The following KIF5A variants were observed in gnomAD, a reference collection of about 807,000 sequenced individuals.
KIF5A encodes the protein kinesin family member 5A.
Under a neutral mutation model 141.3 loss-of-function variants are expected in KIF5A, and 35 were observed. The ratio of observed to expected loss-of-function variants is 0.25; its 90% CI spans 0.19 to 0.33. The LOEUF is 0.33. Among genes scored for constraint, KIF5A ranks in the 10% least tolerant of loss-of-function variants. The pLI, the probability that KIF5A is intolerant of heterozygous loss-of-function variation, is 1.00. For missense variants in KIF5A, 861 were observed against 1,314.3 expected (o/e 0.66, Z 5.33); for synonymous variants, 448 against 500.2 (o/e 0.90, Z 1.39).
In KIF5A at chr12:57,572,101, G is replaced by A. The variant is rs774379377; in HGVS notation, c.1403G>A (p.Arg468Gln). 2.2e-5 allele frequency: 36 copies of A among 1,613,854 alleles called. No individual in the cohort carries two copies. The highest frequency in any genetic ancestry group is 8.8e-5 in the South Asian group (8 of 91,056). ...STRGDNEKVQ[R>Q]ELSHLQSEND... ...CGAGGAGACAACGAGAAGGTCCAGC[G>A]GGAGCTGAGCCACCTGCAATCAGAG... Residue 468 changes from arginine to glutamine, a missense_variant, in exon 14 of 29, where the codon CGG becomes CAG. Arg to Gln is a conservative substitution (Grantham distance 43). Transcript: ENST00000455537. This position sits in a 1 kb window ranked among gnomAD's most constrained non-coding sequence, Gnocchi z 4.2.
In KIF5A at chr12:57,567,600, C is replaced by T. The variant is rs1158102955; in HGVS notation, c.696C>T (p.Asp232=). Residue 232 remains aspartate, a synonymous_variant, in exon 8 of 29, where the codon GAC becomes GAT. Coordinates refer to ENST00000455537, the MANE Select transcript of KIF5A (RefSeq NM_004984.4). ...TCAGTGGGAAGCTGTATCTGGTGGA[C>T]CTGGCAGGGAGTGAGAAGGTAGGGG... ...QKLSGKLYLV[D]LAGSEKVSKT... The T allele has an allele frequency of 6.2e-7, 1 of 1,612,722 alleles. No individual in the cohort carries two copies. The highest frequency in any genetic ancestry group is 8.5e-7 in the Non-Finnish European group (1 of 1,179,638).
At position 57,560,433 on chromosome 12, in the gene KIF5A, A is replaced by T. The variant is rs116714741; in HGVS notation, c.130-3006A>T. Among the ~76,000 whole-genome samples the T allele has an allele frequency of 5.6e-3, 847 of 152,304 alleles. 7 individuals carry two copies. The highest frequency in any genetic ancestry group is 0.019 in the African/African-American group (792 of 41,578). On this transcript the variant is annotated intron_variant, in intron 1 of 28. Transcript: ENST00000455537. ...TATGTAAAATTTAAGGCTTTTGATT[A>T]TGCATTTTTGAATTGTTATATGGAT...
intron 12 of KIF5A, among the ~76,000 whole-genome samples, chr12:57,570,883 T>G (rs1351708213): frequency 6.6e-6 from 1 of 152,040 alleles, no homozygotes; most frequent in East Asian, 1.9e-4. Context: ...CTCAAACTCC[T>G]GGGCTCGAGG....
chr12:57,570,750 A>G (rs1882227658), intron 12 of KIF5A, among the ~76,000 whole-genome samples: 1 of 152,132 alleles, frequency 6.6e-6, no homozygotes, highest in Admixed American at 6.6e-5. Context: ...TTCCTACTTC[A>G]TTAATAATTC....
chr12:57,570,899 C>T (rs1029888025), intron 12 of KIF5A, among the ~76,000 whole-genome samples: 4 of 151,856 alleles, frequency 2.6e-5, no homozygotes, highest in Admixed American at 2.0e-4. Context: ...CGAGGGATCC[C>T]CCCCAACCTC....
intron 1 of KIF5A, among the ~76,000 whole-genome samples, chr12:57,559,992 A>G (rs1594910224): frequency 6.6e-6 from 1 of 152,250 alleles, no homozygotes; most frequent in East Asian, 1.9e-4. Flanking sequence ...CCTGGGTTCA[A>G]GCGATTCTTG....
intron 17 of KIF5A, 61 bp downstream of exon 17, chr12:57,575,818 T>C (rs1643793484): frequency 8.4e-7 from 1 of 1,192,610 alleles, no homozygotes; most frequent in Non-Finnish European, 1.3e-6. Context: ...AACATCAAAA[T>C]AAATCACCCC....
intron 6 of KIF5A, among the ~76,000 whole-genome samples, chr12:57,565,640 T>C (rs1362668876): frequency 6.7e-6 from 1 of 148,822 alleles, no homozygotes; most frequent in Non-Finnish European, 1.5e-5. Context: ...TTTTTTTTTT[T>C]TGGAGACAGA....
intron 1 of KIF5A, among the ~76,000 whole-genome samples, chr12:57,553,246 A>AT (rs1881632924): frequency 1.3e-5 from 2 of 152,140 alleles, no homozygotes; most frequent in Non-Finnish European, 2.9e-5. Flanking sequence ...CAGTGAAGAA[A>AT]CACATACATA....
rs369229819 is a variant in KIF5A at position 57,572,135 on chromosome 12, C to T, written c.1437C>T (p.Ala479=). The T allele has an allele frequency of 2.4e-5, 38 of 1,613,984 alleles. No homozygotes were observed. Among genetic ancestry groups the T allele is most frequent in the South Asian group, 7.7e-5 (7 of 91,048 alleles). ...ELSHLQSEND[A]AKDEVKEVLQ... The stretch of plus-strand genomic sequence containing the variant: ...GCCACCTGCAATCAGAGAACGATGC[C>T]GCTAAGGATGAGGTGAAGGAAGTGC... Residue 479 remains alanine (A), a synonymous_variant, in exon 14 of 29, where the codon GCC becomes GCT. Coordinates refer to ENST00000455537, the MANE Select transcript of KIF5A (RefSeq NM_004984.4). This position sits in a 1 kb window ranked among gnomAD's most constrained non-coding sequence, Gnocchi z 4.2.
intron 28 of KIF5A, 126 bp from the exon 29 acceptor site, chr12:57,584,092 G>A (rs1352799232): frequency 6.6e-6 from 1 of 152,212 alleles, no homozygotes; most frequent in Non-Finnish European, 1.5e-5. Context: ...CGGTGGTAGG[G>A]GGGTCTGCTT....
At chr12:57,557,266 A>T in intron 1 of KIF5A, among the ~76,000 whole-genome samples, 1 of 152,148 alleles carries the variant, frequency 6.6e-6, no homozygotes, top group East Asian at 1.9e-4. Context: ...TAAAAAAAAA[A>T]AGATGAGAGG....
Position 57,550,530 on chromosome 12 carries a change from G to T in KIF5A, c.129+130G>T, listed in dbSNP as rs1478670176. On this transcript the variant is annotated intron_variant, in intron 1 of 28. Transcript: ENST00000455537. This position sits in a 1 kb window ranked among gnomAD's most constrained non-coding sequence, Gnocchi z 4.6. Reference sequence around the variant, plus strand: ...CCGCTCATCCTTCATCCTCTTCCCCGCAGCCCCTCCTCTCCCCTGCATCAG... The same window carrying T: ...CCGCTCATCCTTCATCCTCTTCCCCTCAGCCCCTCCTCTCCCCTGCATCAG... 8.1e-6 allele frequency: 8 copies of T among 988,582 alleles called. No individual in the cohort carries two copies. Among genetic ancestry groups the T allele is most frequent in the South Asian group, 1.5e-5 (1 of 66,398 alleles). 61.2% of individuals were successfully genotyped at this position (988,582 alleles called of 1,614,324 possible).
Position 57,572,775 on chromosome 12 carries a change from G to A in KIF5A, c.1716+49G>A, listed in dbSNP as rs1479458392. 6.2e-7 allele frequency: 1 copy of A among 1,610,156 alleles called. No homozygotes were observed. Among genetic ancestry groups the A allele is most frequent in the Non-Finnish European group, 8.5e-7 (1 of 1,176,584 alleles). ...TTGTTCAGGCTGGGCACTAGTGGAA[G>A]ACGCAAGATGAGCCATCCAGGCCTT... is the stretch of plus-strand genomic sequence containing the variant. On this transcript the variant is annotated intron_variant, in intron 15 of 28. Coordinates refer to ENST00000455537, the MANE Select transcript of KIF5A (RefSeq NM_004984.4). This position sits in a 1 kb window ranked among gnomAD's most constrained non-coding sequence, Gnocchi z 4.2.
rs1337306665 is a variant in KIF5A, at chr12:57,550,493, T to TC, written c.129+98dup. 5 of 1,241,806 alleles carry TC rather than the reference T, an allele frequency of 4.0e-6. No individual in the cohort carries two copies. The highest frequency in any genetic ancestry group is 5.6e-6 in the Non-Finnish European group (5 of 885,770). 76.9% of individuals were successfully genotyped at this position (1,241,806 alleles called of 1,614,324 possible). On this transcript the variant is annotated intron_variant, in intron 1 of 28. Coordinates refer to ENST00000455537, the MANE Select transcript of KIF5A (RefSeq NM_004984.4). This position sits in a 1 kb window ranked among gnomAD's most constrained non-coding sequence, Gnocchi z 4.6. Reference sequence around the variant, plus strand: ...CCTTAGTCTCTGCTGGTCCCTTTGCTCCCCCTCCCCGCCGCTCATCCTTCA... The same window carrying TC: ...CCTTAGTCTCTGCTGGTCCCTTTGCTCCCCCCTCCCCGCCGCTCATCCTTCA...
At chr12:57,571,248 C>T in intron 12 of KIF5A, 73 bp from the exon 13 acceptor site, 2 of 897,690 alleles carry the variant, frequency 2.2e-6, no homozygotes. Context: ...CCTGCCTCTA[C>T]CCCCAAACTT....
At chr12:57,571,216 C>T (rs748091954) in intron 12 of KIF5A, 105 bp from the exon 13 acceptor site, 3 of 773,034 alleles carry the variant, frequency 3.9e-6, no homozygotes, top group East Asian at 2.5e-5. Context: ...AAAGCTTATA[C>T]TATCTGGATT....
intron 1 of KIF5A, among the ~76,000 whole-genome samples, chr12:57,553,936 C>T (rs1881655805): frequency 6.6e-6 from 1 of 152,072 alleles, no homozygotes; most frequent in Non-Finnish European, 1.5e-5. Context: ...GACTATTTCT[C>T]ATTAACAACT....
In KIF5A at chr12:57,565,113, A is replaced by G. The variant is rs540194875; in HGVS notation, c.501+140A>G. Reference sequence around the variant, plus strand: ...TGTGCCTAGGGGCCAGGGAGAGTCTAGGGGATCAGAAAAGATACTGTCTTG... The same window carrying G: ...TGTGCCTAGGGGCCAGGGAGAGTCTGGGGGATCAGAAAAGATACTGTCTTG... On this transcript the variant is annotated intron_variant, in intron 6 of 28. Transcript: ENST00000455537. 1.4e-4 allele frequency: 107 copies of G among 769,788 alleles called. No homozygotes were observed. In the East Asian group the frequency reaches 2.9e-3, roughly 21 times the overall value. 47.7% of individuals were successfully genotyped at this position (769,788 alleles called of 1,614,324 possible). A position where few individuals can be genotyped will look rare whatever the true frequency, so the allele number is the denominator to read the frequency against.
Sources: allele counts gnomAD v4.1 joint callset (sites outside exome capture counted in the v4.1 genomes callset), GRCh38; gene constraint gnomAD v4.1.1; non-coding constraint Gnocchi (gnomAD v3.1); transcripts MANE v1.5; gene names NCBI Gene and HGNC (gene_info 2026-07-23, HGNC 2026-07-21).